TFAP2B: variants seen among roughly 807,000 people sequenced by gnomAD.
TFAP2B encodes transcription factor AP-2 beta, also known as transcription factor AP-2-beta.
A neutral mutation model predicts 44.3 loss-of-function variants in TFAP2B; 9 were observed. The ratio of observed to expected loss-of-function variants is 0.20; its 90% CI spans 0.12 to 0.35. The LOEUF (loss-of-function observed/expected upper bound fraction) is 0.35. TFAP2B is among the 10% of genes least tolerant of loss of function. TFAP2B has a pLI of 1.00. For missense variants in TFAP2B, 509 were observed against 600.0 expected, an observed-to-expected ratio of 0.85 and a Z score of 1.59; for synonymous variants, 270 against 263.8, an observed-to-expected ratio of 1.02 and a Z score of -0.23.
chr6:50,832,277 G>A (rs1455098321), intron 3 of TFAP2B, among the ~76,000 whole-genome samples: 1 of 152,188 alleles, frequency 6.6e-6, no homozygotes, highest in East Asian at 1.9e-4. Flanking sequence ...TGCTGAAACT[G>A]AGAGAGACAA....
chr6:50,827,937 C>T lies in TFAP2B; in HGVS notation c.541-682C>T, dbSNP rs975913583. Among the ~76,000 whole-genome samples, 7 of 152,286 alleles carry T rather than the reference C, an allele frequency of 4.6e-5. No homozygotes were observed. In the South Asian group the frequency reaches 1.0e-3, roughly 23 times the overall value. Reference sequence around the variant, plus strand: ...GGAGGATCTAGACCTTTGTGTGTGTCTGCTTGTCTGTAGTTACTGCCTTCC... The same window carrying T: ...GGAGGATCTAGACCTTTGTGTGTGTTTGCTTGTCTGTAGTTACTGCCTTCC... On this transcript the variant is annotated intron_variant, in intron 2 of 6. Transcript: ENST00000393655.
intron 1 of TFAP2B, among the ~76,000 whole-genome samples, chr6:50,821,027 C>T (rs1246719857): frequency 6.6e-6 from 1 of 152,178 alleles, no homozygotes; most frequent in Non-Finnish European, 1.5e-5. Flanking sequence ...AAAACAGAAT[C>T]CGCAGCTCGG....
At chr6:50,828,783 ATGTT>A (rs1391472551) in intron 3 of TFAP2B, 104 bp downstream of exon 3, 45 of 1,340,348 alleles carry the variant, frequency 3.4e-5, no homozygotes, top group Non-Finnish European at 4.4e-5. Flanking sequence ...CAAGACATAA[ATGTT>A]TGTTCACAAT....
At chr6:50,842,888 C>T (rs886577674) in intron 6 of TFAP2B, among the ~76,000 whole-genome samples, 2 of 152,172 alleles carry the variant, frequency 1.3e-5, no homozygotes, top group Admixed American at 1.3e-4. Flanking sequence ...GGAAGGGGTG[C>T]ATTACCTCCC....
At chr6:50,821,991 ATTT>A (rs60274376) in intron 1 of TFAP2B, 2,809 of 216,388 alleles carry the variant, frequency 0.013, no homozygotes, top group South Asian at 0.018. Flanking sequence ...GGCGGGTGTA[ATTT>A]TTTTTTTTTT....
chr6:50,826,562 C>T (rs1197269481), intron 2 of TFAP2B, among the ~76,000 whole-genome samples: 2 of 147,532 alleles, frequency 1.4e-5, no homozygotes, highest in Non-Finnish European at 3.0e-5. Flanking sequence ...ACCCATTGTG[C>T]ATGAGCGCGC....
rs573121858 is a variant in TFAP2B at position 50,844,876 on chromosome 6, C to T, written c.*1484C>T. 1 of 152,206 alleles carries T rather than the reference C, an allele frequency of 6.6e-6. No homozygotes were observed. Among genetic ancestry groups the T allele is most frequent in the Admixed American group, 6.5e-5 (1 of 15,284 alleles). 9.4% of individuals were successfully genotyped at this position (152,206 alleles called of 1,614,324 possible). The stretch of plus-strand genomic sequence containing the variant: ...TGCTTTATGAATGAGGCATTTTTCC[C>T]TCCCAGACGTGCACTTGTTTTGGCA... On this transcript the variant is annotated 3_prime_UTR_variant, in exon 7 of 7. Coordinates refer to ENST00000393655, the MANE Select transcript of TFAP2B (RefSeq NM_003221.4).
At chr6:50,841,921 T>C (rs1762741075) in intron 6 of TFAP2B, among the ~76,000 whole-genome samples, 1 of 152,218 alleles carries the variant, frequency 6.6e-6, no homozygotes, top group African/African-American at 2.4e-5. Flanking sequence ...CTGGGTGGTA[T>C]TCCTCATCAG....
rs368444508 is a variant in TFAP2B at position 50,818,901 on chromosome 6, C to T, written c.10C>T (p.Pro4Ser). ...TCTGCTCCTCACATGAATGCACTCA[C>T]CTCCTAGAGACCAGGCTGCCATCAT... is the stretch of plus-strand genomic sequence containing the variant. MHS[P>S]PRDQAAIMLW... Residue 4 changes from proline (P) to serine (S), a missense_variant, in exon 1 of 7, where the codon CCT (proline) becomes TCT (serine). By Grantham distance (74) the Pro-to-Ser change is moderately conservative. This residue lies in a region of TFAP2B where 296 missense variants were observed against 308.2 expected (regional missense o/e 0.96). Transcript: ENST00000393655. The T allele has an allele frequency of 6.2e-7, 1 of 1,614,030 alleles. No individual in the cohort carries two copies. Among genetic ancestry groups the T allele is most frequent in the Middle Eastern group, 1.6e-4 (1 of 6,062 alleles).
chr6:50,829,744 G>A (rs982914963), intron 3 of TFAP2B, among the ~76,000 whole-genome samples: 3 of 152,130 alleles, frequency 2.0e-5, no homozygotes, highest in East Asian at 1.9e-4. Flanking sequence ...GACTCAAATG[G>A]GATAGTAGGA....
At position 50,823,433 on chromosome 6, in the gene TFAP2B, C is replaced by G. The variant is rs1337580761; in HGVS notation, c.108C>G (p.His36Gln). The G allele has an allele frequency of 6.2e-7, 1 of 1,604,102 alleles. No individual in the cohort carries two copies. The highest frequency in any genetic ancestry group is 1.3e-5 in the African/African-American group (1 of 74,566). Residue 36 changes from histidine (H) to glutamine (Q), a missense_variant, in exon 2 of 7, where the codon CAC becomes CAG. Transcript: ENST00000393655. ...ACCGGCACGATGGTGTCCCGAGCCA[C>G]AGCTCGCGGCTCTCCCAGCTGGGCT... The part of the protein sequence containing the change: ...YEDRHDGVPS[H>Q]SSRLSQLGSV...
Position 50,820,871 on chromosome 6 carries a change from G to T in TFAP2B, c.81+1899G>T, listed in dbSNP as rs114487685. Among the ~76,000 whole-genome samples the T allele has an allele frequency of 3.9e-3, 600 of 152,092 alleles. 2 individuals are homozygous for T. Among genetic ancestry groups the T allele is most frequent in the Non-Finnish European group, 6.7e-3 (457 of 67,982 alleles). ...AAGGAAGGAGGGAGAGAAGAAAGGAGGGAGGGAGAGAGGAAGAGGGAGGGG... is the reference window on the plus strand; with the variant it reads ...AAGGAAGGAGGGAGAGAAGAAAGGATGGAGGGAGAGAGGAAGAGGGAGGGG... On this transcript the variant is annotated intron_variant, in intron 1 of 6. Coordinates refer to ENST00000393655, the MANE Select transcript of TFAP2B (RefSeq NM_003221.4).
At chr6:50,838,164 C>A in intron 5 of TFAP2B, 71 bp downstream of exon 5, 1 of 1,155,956 alleles carries the variant, frequency 8.7e-7, no homozygotes, top group Non-Finnish European at 1.3e-6. Context: ...ACATTTTACA[C>A]ATTTCATGAT....
chr6:50,827,206 A>G (rs1770553593), intron 2 of TFAP2B, among the ~76,000 whole-genome samples: 1 of 152,192 alleles, frequency 6.6e-6, no homozygotes, highest in South Asian at 2.1e-4. Context: ...GCCTGGACAC[A>G]TTGTCACTGT....
intron 1 of TFAP2B, 53 bp downstream of exon 1, chr6:50,819,025 G>A: frequency 6.8e-7 from 1 of 1,478,360 alleles, no homozygotes; most frequent in African/African-American, 1.4e-5. Context: ...GAGAATTTGA[G>A]CTTCTTGATA....
chr6:50,826,220 C>T (rs981932031), intron 2 of TFAP2B, among the ~76,000 whole-genome samples: 16 of 152,246 alleles, frequency 1.1e-4, no homozygotes, highest in African/African-American at 3.6e-4. Flanking sequence ...TTTAAAAGGA[C>T]CAGAGAGTGC....
rs2113966941 is a variant in TFAP2B at position 50,846,449 on chromosome 6, A to T, written c.*3057A>T. ...TTTGAGCTTTGTTTTCAAACCAAACAGGTGAGTTGCAGCTCTCCCCCCGGC... is the reference window on the plus strand; with the variant it reads ...TTTGAGCTTTGTTTTCAAACCAAACTGGTGAGTTGCAGCTCTCCCCCCGGC... On this transcript the variant is annotated 3_prime_UTR_variant, in exon 7 of 7. Coordinates refer to ENST00000393655, the MANE Select transcript of TFAP2B (RefSeq NM_003221.4). 1 of 152,834 alleles carries T rather than the reference A, an allele frequency of 6.5e-6. No individual in the cohort carries two copies. Among genetic ancestry groups the T allele is most frequent in the South Asian group, 2.1e-4 (1 of 4,830 alleles). 9.5% of individuals were successfully genotyped at this position (152,834 alleles called of 1,614,324 possible).
intron 6 of TFAP2B, among the ~76,000 whole-genome samples, chr6:50,841,139 A>G (rs1180662463): frequency 6.6e-6 from 1 of 152,262 alleles, no homozygotes; most frequent in Non-Finnish European, 1.5e-5. Flanking sequence ...CAGGGTCAAA[A>G]AATATTAATG....
At chr6:50,831,608 C>T (rs780094839) in intron 3 of TFAP2B, among the ~76,000 whole-genome samples, 7 of 152,064 alleles carry the variant, frequency 4.6e-5, no homozygotes, top group African/African-American at 9.6e-5. Context: ...AAAAATCCAA[C>T]GAGACATTAA....
Sources: allele counts gnomAD v4.1 joint callset (sites outside exome capture counted in the v4.1 genomes callset), GRCh38; gene constraint gnomAD v4.1.1; regional missense constraint gnomAD v4.1.1; transcripts MANE v1.5; gene names NCBI Gene and HGNC (gene_info 2026-07-23, HGNC 2026-07-21).